The following NOD1 variants were observed in gnomAD, a reference collection of about 807,000 sequenced individuals.
The protein encoded by NOD1 is nucleotide binding oligomerization domain containing 1, also known as nucleotide-binding oligomerization domain-containing protein 1.
Under a neutral mutation model 81.2 loss-of-function variants are expected in NOD1, and 70 were observed. The observed-to-expected ratio is 0.86, with a 90% CI of 0.71 to 1.05. The LOEUF is 1.05. NOD1 is among the 50% of genes least tolerant of loss of function. The pLI is 0.00. For synonymous variants in NOD1, 508 were observed against 526.9 expected (o/e 0.96, Z 0.49); for missense variants, 1,233 against 1,228.0 (o/e 1.00, Z -0.06).
At position 30,478,156 on chromosome 7, in the gene NOD1, C is replaced by T. The variant is rs751561115; in HGVS notation, c.-352+450G>A. Reference sequence around the variant, plus strand: ...GCTGCTGTCCCGTCTGCAGGCGGGACTCCATGAAGGCCCCTGTCTGCCCTT... The same window carrying T: ...GCTGCTGTCCCGTCTGCAGGCGGGATTCCATGAAGGCCCCTGTCTGCCCTT... On this transcript the variant is annotated intron_variant, in intron 1 of 13. Coordinates refer to ENST00000222823, the MANE Select transcript of NOD1 (RefSeq NM_006092.4). This position sits in a 1 kb window ranked among gnomAD's most constrained non-coding sequence, Gnocchi z 4.1. Among the ~76,000 whole-genome samples, 8 of 152,150 alleles carry T rather than the reference C, an allele frequency of 5.3e-5. No individual in the cohort carries two copies. Among genetic ancestry groups the T allele is most frequent in the Non-Finnish European group, 1.0e-4 (7 of 68,024 alleles).
rs1333599964 is a variant in NOD1, at chr7:30,446,234, G to A, written c.2370-10C>T. 6.2e-7 allele frequency: 1 copy of A among 1,609,140 alleles called. No homozygotes were observed. Among genetic ancestry groups the A allele is most frequent in the East Asian group, 2.2e-5 (1 of 44,858 alleles). Reference sequence around the variant, plus strand: ...TTTGTTTTTTCCCAGTCTGCAGAGAGAGTCACACACAGTCAGCCTCCAGCT... The same window carrying A: ...TTTGTTTTTTCCCAGTCTGCAGAGAAAGTCACACACAGTCAGCCTCCAGCT... On this transcript the variant is annotated splice_polypyrimidine_tract_variant and intron_variant, in intron 8 of 13. Transcript: ENST00000222823.
rs767538669 is a variant in NOD1, at chr7:30,452,012, G to C, written c.1405C>G (p.Arg469Gly). ...TLCSLGQVAH[R>G]GMEKSLFVFT... ...ACAAAGAGGCTCTTCTCCATGCCCC[G>C]GTGGGCCACCTGCCCCAGCGAGCAC... Residue 469 changes from arginine to glycine, a missense_variant, in exon 6 of 14, where the codon CGG becomes GGG. Transcript: ENST00000222823. 1.2e-6 allele frequency: 2 copies of C among 1,613,486 alleles called. No homozygotes were observed. Among genetic ancestry groups the C allele is most frequent in the African/African-American group, 1.3e-5 (1 of 75,038 alleles).
chr7:30,452,193 A>G lies in NOD1; in HGVS notation c.1224T>C (p.Phe408=), dbSNP rs532013737. Residue 408 remains phenylalanine, a synonymous_variant, in exon 6 of 14, where the codon TTT becomes TTC. Transcript: ENST00000222823. The part of the protein sequence containing the change: ...FRCFQHFRAA[F]EGSPQLPDCT... Reference sequence around the variant, plus strand: ...AGTCGGGCAGCTGTGGTGAGCCTTCAAAGGCAGCACGGAAGTGCTGGAAGC... The same window carrying G: ...AGTCGGGCAGCTGTGGTGAGCCTTCGAAGGCAGCACGGAAGTGCTGGAAGC... 8.1e-6 allele frequency: 13 copies of G among 1,613,956 alleles called. No homozygotes were observed. In the East Asian group the frequency reaches 2.9e-4, roughly 36 times the overall value.
Position 30,425,682 on chromosome 7 carries a change from C to T in NOD1, c.2818G>A (p.Glu940Lys). The T allele has an allele frequency of 1.2e-6, 2 of 1,613,884 alleles. No individual in the cohort carries two copies. The highest frequency in any genetic ancestry group is 8.5e-7 in the Non-Finnish European group (1 of 1,179,768). ...TTCTCATCTTCATAGACTTTGGCCT[C>T]CTCTGGTTTTATCAGGTTTCCATTT... ...CLNGNLIKPE[E>K]AKVYEDEKRI... The change falls in exon 14 of 14, where the codon GAG (glutamate) becomes AAG (lysine). Residue 940 changes from glutamate (E) to lysine (K), a missense_variant. Physicochemically the swap from Glu to Lys is moderately conservative, Grantham distance 56. Coordinates refer to ENST00000222823, the MANE Select transcript of NOD1 (RefSeq NM_006092.4).
In NOD1 at chr7:30,451,362, G is replaced by A. The variant is rs748898133; in HGVS notation, c.2055C>T (p.Cys685=). 6 of 1,614,096 alleles carry A rather than the reference G, an allele frequency of 3.7e-6. No homozygotes were observed. In the South Asian group the frequency reaches 6.6e-5, roughly 18 times the overall value. ...CGCTGCAGTCGGCCGAGCAGGCGTT[G>A]CAGTAGGTCAGCTTGAGGTAGTTGG... ...ICANYLKLTY[C]NACSADCSAL... is the part of the protein sequence containing the mutation. The change falls in exon 6 of 14, where the codon TGC becomes TGT. Residue 685 remains cysteine (C), a synonymous_variant. Transcript: ENST00000222823. This position sits in a 1 kb window ranked among gnomAD's most constrained non-coding sequence, Gnocchi z 4.2.
At chr7:30,425,744 TA>T in intron 13 of NOD1, 34 bp from the exon 14 acceptor site, 1 of 1,480,620 alleles carries the variant, frequency 6.8e-7, no homozygotes, top group Non-Finnish European at 9.5e-7. Flanking sequence ...AGTACACAGG[TA>T]AAATGTTAAG....
rs368755214 is a variant in NOD1, at chr7:30,456,938, G to A, written c.-17C>T. On this transcript the variant is annotated 5_prime_UTR_variant, in exon 4 of 14. Coordinates refer to ENST00000222823, the MANE Select transcript of NOD1 (RefSeq NM_006092.4). ...CTCTTCCATAGTTAAAGTAGCAAGC[G>A]GCTACTTTTCCCAAATTCATCTTCA... The A allele has an allele frequency of 1.1e-3, 1,833 of 1,609,702 alleles. 5 individuals carry two copies. The highest frequency in any genetic ancestry group is 1.4e-3 in the Non-Finnish European group (1,695 of 1,176,006).
intron 5 of NOD1, 65 bp downstream of exon 5, chr7:30,455,072 A>T: frequency 6.5e-7 from 1 of 1,534,342 alleles, no homozygotes; most frequent in South Asian, 1.1e-5. Context: ...TGGCCCAGCC[A>T]TTACCAAACC....
At chr7:30,439,681 G>A (rs1468573134) in intron 9 of NOD1, among the ~76,000 whole-genome samples, 6 of 100,418 alleles carry the variant, frequency 6.0e-5, no homozygotes, top group African/African-American at 2.8e-4. Context: ...GCTGGGGGAG[G>A]GGCGCCCGCC....
chr7:30,429,339 T>C, intron 13 of NOD1, 35 bp downstream of exon 13: 1 of 1,534,390 alleles, frequency 6.5e-7, no homozygotes, highest in South Asian at 1.1e-5. Context: ...AAACAGTCAC[T>C]GGTGTTATTA....
In NOD1 at chr7:30,446,160, T is replaced by C; in HGVS notation, c.2434A>G (p.Lys812Glu). Residue 812 changes from lysine to glutamate, a missense_variant, in exon 9 of 14, where the codon AAA (lysine) becomes GAA (glutamate). Lys to Glu is a moderately conservative substitution (Grantham distance 56). Coordinates refer to ENST00000222823, the MANE Select transcript of NOD1 (RefSeq NM_006092.4). The stretch of plus-strand genomic sequence containing the variant: ...ACTCACCCAACCTCAGAGATTGATT[T>C]GCTGTTCTTCACAGCCAGGGCGAGA... ...KYLALAVKNS[K>E]SISEVGMWGN... 1 of 1,614,046 alleles carries C rather than the reference T, an allele frequency of 6.2e-7. No individual in the cohort carries two copies. The highest frequency in any genetic ancestry group is 1.1e-5 in the South Asian group (1 of 91,078).
intron 1 of NOD1, chr7:30,460,767 T>A: frequency 7.3e-6 from 6 of 821,996 alleles, no homozygotes; most frequent in Non-Finnish European, 8.8e-6. Context: ...TCTCAACCGC[T>A]CTTCTTTCTA....
intron 11 of NOD1, among the ~76,000 whole-genome samples, chr7:30,435,373 T>C (rs888066155): frequency 2.0e-5 from 3 of 152,080 alleles, no homozygotes; most frequent in African/African-American, 7.2e-5. Flanking sequence ...GTGTGGAAGT[T>C]GGCCTCTGCT....
chr7:30,446,188 C>T lies in NOD1; in HGVS notation c.2406G>A (p.Lys802=), dbSNP rs750242949. The change falls in exon 9 of 14, where the codon AAG becomes AAA. Residue 802 remains lysine (K), a synonymous_variant. Transcript: ENST00000222823. The part of the protein sequence containing the change: ...GKNKITSEGG[K]YLALAVKNSK... ...TGTTCTTCACAGCCAGGGCGAGATA[C>T]TTCCCTCCTTCACTTGTTATTTTGT... 1.3e-6 allele frequency: 2 copies of T among 1,565,534 alleles called. No homozygotes were observed. The highest frequency in any genetic ancestry group is 1.1e-5 in the South Asian group (1 of 90,136).
chr7:30,451,821 G>C lies in NOD1; in HGVS notation c.1596C>G (p.Asp532Glu). 1 of 1,613,804 alleles carries C rather than the reference G, an allele frequency of 6.2e-7. No individual in the cohort carries two copies. The highest frequency in any genetic ancestry group is 8.5e-7 in the Non-Finnish European group (1 of 1,180,026). ...AFFTAFFLVL[D>E]DRVGTQELLR... is the part of the protein sequence containing the mutation. ...GCAGCTCCTGAGTGCCCACCCTGTC[G>C]TCCAGCACGAGGAAGAAGGCTGTAA... is the stretch of plus-strand genomic sequence containing the variant. Residue 532 changes from aspartate to glutamate, a missense_variant, in exon 6 of 14, where the codon GAC (aspartate) becomes GAG (glutamate). Coordinates refer to ENST00000222823, the MANE Select transcript of NOD1 (RefSeq NM_006092.4). The surrounding 1 kb of genome is among the most constrained non-coding windows in gnomAD (Gnocchi z 4.2).
chr7:30,457,278 A>C (rs10951267), intron 3 of NOD1, among the ~76,000 whole-genome samples: 53,886 of 151,834 alleles, frequency 0.35, 10,931 homozygotes, highest in African/African-American at 0.56. Context: ...ATAGTGAGAC[A>C]CCCATCTCTA....
intron 9 of NOD1, among the ~76,000 whole-genome samples, chr7:30,438,490 C>T (rs1285869870): frequency 2.0e-5 from 3 of 152,214 alleles, no homozygotes; most frequent in Non-Finnish European, 4.4e-5. Flanking sequence ...TCACACAAAG[C>T]GTTGGCTGTT....
At chr7:30,463,102 C>T (rs1344250341) in intron 1 of NOD1, among the ~76,000 whole-genome samples, 1 of 151,942 alleles carries the variant, frequency 6.6e-6, no homozygotes, top group Non-Finnish European at 1.5e-5. Context: ...TAGAAATGTT[C>T]TGTGTCTTGA....
intron 11 of NOD1, among the ~76,000 whole-genome samples, chr7:30,435,013 C>T (rs1208530047): frequency 6.6e-6 from 1 of 152,094 alleles, no homozygotes; most frequent in African/African-American, 2.4e-5. Flanking sequence ...TCAAGCGATC[C>T]TCCCACCTCA....
Sources: gnomAD v4.1 joint callset for allele counts (sites outside exome capture counted in the v4.1 genomes callset) on GRCh38, gnomAD v4.1.1 for gene constraint, Gnocchi (gnomAD v3.1) non-coding constraint, MANE v1.5 for transcripts, NCBI Gene and HGNC (gene_info 2026-07-23, HGNC 2026-07-21) for gene names.